The following DOCK3 variants were observed in gnomAD, a reference collection of about 807,000 sequenced individuals.
DOCK3 encodes dedicator of cytokinesis protein 3.
Under a neutral mutation model 265.6 loss-of-function variants are expected in DOCK3, and 60 were observed. The ratio of observed to expected loss-of-function variants is 0.23; its 90% CI spans 0.18 to 0.28. DOCK3 has a LOEUF of 0.28. Ranked by LOEUF, DOCK3 falls within the 10% of genes least tolerant of loss-of-function variation. The pLI is 1.00. For synonymous variants in DOCK3, 881 were observed against 938.0 expected (o/e 0.94, Z 1.11); for missense variants, 1,981 against 2,594.3 (o/e 0.76, Z 5.14).
intron 27 of DOCK3, among the ~76,000 whole-genome samples, chr3:51,286,578 C>T (rs2081417805): frequency 6.6e-6 from 1 of 152,144 alleles, no homozygotes; most frequent in African/African-American, 2.4e-5. Flanking sequence ...TACTACAAGG[C>T]TACAGTAACC....
At chr3:51,134,239 A>G (rs2084693901) in intron 9 of DOCK3, among the ~76,000 whole-genome samples, 1 of 152,188 alleles carries the variant, frequency 6.6e-6, no homozygotes, top group African/African-American at 2.4e-5. Context: ...TGCAATGAAC[A>G]TATGCCTGCA....
At chr3:50,729,554 A>G (rs1338807830) in intron 1 of DOCK3, among the ~76,000 whole-genome samples, 4 of 151,850 alleles carry the variant, frequency 2.6e-5, no homozygotes, top group Non-Finnish European at 5.9e-5. Context: ...TTTATTTTTT[A>G]AGAGAGGGTC....
At chr3:51,105,500 A>G (rs1424097990) in intron 9 of DOCK3, among the ~76,000 whole-genome samples, 1 of 152,268 alleles carries the variant, frequency 6.6e-6, no homozygotes, top group Non-Finnish European at 1.5e-5. Context: ...AAAATTGGAA[A>G]CAAATCACAT....
chr3:50,743,618 T>G (rs1348505553), intron 1 of DOCK3, among the ~76,000 whole-genome samples: 5 of 151,914 alleles, frequency 3.3e-5, no homozygotes. Flanking sequence ...GGTAAAGGGA[T>G]CAATTCAACA....
In DOCK3 at chr3:51,311,912, G is replaced by A. The variant is rs139908827; in HGVS notation, c.3018-92G>A. On this transcript the variant is annotated intron_variant, in intron 28 of 52. Transcript: ENST00000266037. ...CATGGGAACAAATTGTACTCAAGAA[G>A]TTTGCACACAGGCTATAGACAGCTG... The A allele has an allele frequency of 2.5e-4, 216 of 869,750 alleles. 1 individual carries two copies. In the East Asian group the frequency reaches 2.8e-3, roughly 11 times the overall value. 53.9% of individuals were successfully genotyped at this position (869,750 alleles called of 1,614,324 possible).
intron 1 of DOCK3, among the ~76,000 whole-genome samples, chr3:50,753,463 C>T (rs1057196893): frequency 3.9e-5 from 6 of 152,170 alleles, no homozygotes; most frequent in African/African-American, 9.7e-5. Context: ...CCACCTCAGC[C>T]TCCCAAGTTG....
intron 5 of DOCK3, among the ~76,000 whole-genome samples, chr3:50,944,165 T>G (rs2076369420): frequency 6.6e-6 from 1 of 152,160 alleles, no homozygotes; most frequent in South Asian, 2.1e-4. Flanking sequence ...ATGGGATGTT[T>G]GGAAAAGAGT....
intron 51 of DOCK3, among the ~76,000 whole-genome samples, chr3:51,376,652 C>T (rs546040749): frequency 6.6e-6 from 1 of 152,354 alleles, no homozygotes; most frequent in East Asian, 1.9e-4. Flanking sequence ...GAGTTTAGGG[C>T]ACACTCAGTT....
intron 5 of DOCK3, among the ~76,000 whole-genome samples, chr3:51,004,369 A>G (rs926493342): frequency 1.8e-4 from 28 of 152,154 alleles, no homozygotes; most frequent in Non-Finnish European, 2.1e-4. Flanking sequence ...GTAGTCTCAC[A>G]TGAGATCCTA....
chr3:51,339,079 G>A, intron 37 of DOCK3, 51 bp downstream of exon 37: 2 of 1,443,146 alleles, frequency 1.4e-6, no homozygotes, highest in Middle Eastern at 1.8e-4. Context: ...CAAACTGAAG[G>A]GATTTGTACA....
At chr3:50,848,231 GT>G (rs1460773982) in intron 3 of DOCK3, among the ~76,000 whole-genome samples, 3 of 152,248 alleles carry the variant, frequency 2.0e-5, no homozygotes, top group Admixed American at 2.0e-4. Flanking sequence ...AGACAGATGG[GT>G]CTTTTTGTTG....
At chr3:50,922,529 T>C (rs967059270) in intron 4 of DOCK3, among the ~76,000 whole-genome samples, 2 of 152,206 alleles carry the variant, frequency 1.3e-5, no homozygotes, top group African/African-American at 4.8e-5. Flanking sequence ...CCGCCCTGCT[T>C]CGTGGGCTGC....
intron 47 of DOCK3, 89 bp downstream of exon 47, chr3:51,360,721 T>C: frequency 6.5e-7 from 1 of 1,539,028 alleles, no homozygotes; most frequent in Non-Finnish European, 8.8e-7. Context: ...TGTATACTCA[T>C]ATTCCCTCTT....
intron 2 of DOCK3, among the ~76,000 whole-genome samples, chr3:50,781,112 T>C (rs1451658727): frequency 6.6e-6 from 1 of 152,002 alleles, no homozygotes; most frequent in African/African-American, 2.4e-5. Flanking sequence ...GCAATAAACA[T>C]GGAAGTGCTG....
intron 1 of DOCK3, among the ~76,000 whole-genome samples, chr3:50,736,604 G>C (rs2038640295): frequency 6.6e-6 from 1 of 151,900 alleles, no homozygotes; most frequent in African/African-American, 2.4e-5. Flanking sequence ...TAACTGGTGT[G>C]AGATGGTATC....
chr3:50,783,158 T>G (rs568356257), intron 2 of DOCK3, among the ~76,000 whole-genome samples: 1 of 152,268 alleles, frequency 6.6e-6, no homozygotes, highest in Non-Finnish European at 1.5e-5. Context: ...GCGTCTTTTT[T>G]GTATGATGAC....
Position 51,312,061 on chromosome 3 carries a change from G to T in DOCK3, c.3075G>T (p.Glu1025Asp), listed in dbSNP as rs1225257694. The T allele has an allele frequency of 6.2e-7, 1 of 1,603,892 alleles. No individual in the cohort carries two copies. Among genetic ancestry groups the T allele is most frequent in the South Asian group, 1.1e-5 (1 of 88,908 alleles). Residue 1025 changes from glutamate (E) to aspartate (D), a missense_variant, in exon 29 of 53, where the codon GAG (glutamate) becomes GAT (aspartate). Around this residue, in one of 4 missense-constraint regions of DOCK3, gnomAD observed 1,357 missense variants for 1,866.8 expected, o/e 0.73. Transcript: ENST00000266037. ...LSSALHKNFT[E>D]TDFDFKVWNS... ...CTGCACTGCACAAGAATTTCACAGA[G>T]ACTGACTTTGACTTTAAGGTAGGCA...
At chr3:50,917,634 CTT>C (rs2050199266) in intron 4 of DOCK3, among the ~76,000 whole-genome samples, 1 of 151,750 alleles carries the variant, frequency 6.6e-6, no homozygotes, top group Non-Finnish European at 1.5e-5. Flanking sequence ...TCTGCTTTGA[CTT>C]TATAAAGAAC....
chr3:51,285,824 A>G (rs1287494306), intron 27 of DOCK3, among the ~76,000 whole-genome samples: 2 of 152,112 alleles, frequency 1.3e-5, no homozygotes, highest in Non-Finnish European at 2.9e-5. Context: ...AATCCCAGCT[A>G]CTTGGGAGGC....
Sources: allele counts gnomAD v4.1 joint callset (sites outside exome capture counted in the v4.1 genomes callset), GRCh38; gene constraint gnomAD v4.1.1; regional missense constraint gnomAD v4.1.1; transcripts MANE v1.5; gene names NCBI Gene and HGNC (gene_info 2026-07-23, HGNC 2026-07-21).